Variants in EPHA6 observed in about 807,000 individuals in gnomAD.
The protein encoded by EPHA6 is ephrin type-A receptor 6.
A neutral mutation model predicts 112.0 loss-of-function variants in EPHA6; 50 were observed. The observed-to-expected ratio is 0.45, with a 90% CI of 0.36 to 0.56. The LOEUF (loss-of-function observed/expected upper bound fraction) is 0.56, where lower values mean the gene tolerates loss of function less well. Ranked by LOEUF, EPHA6 falls within the 20% of genes least tolerant of loss-of-function variation. The probability of loss-of-function intolerance (pLI) is 0.00; values close to 1 mark genes in which losing one functional copy is unlikely to be tolerated. For missense variants in EPHA6, 1,280 were observed against 1,417.4 expected (o/e 0.90, Z 1.56); for synonymous variants, 529 against 490.7 (o/e 1.08, Z -1.03).
chr3:97,544,432 C>T (rs371134293), intron 11 of EPHA6, among the ~76,000 whole-genome samples: 10 of 152,202 alleles, frequency 6.6e-5, no homozygotes, highest in East Asian at 5.8e-4. Flanking sequence ...TTGCATCCCA[C>T]GGATGAAGCC....
intron 1 of EPHA6, among the ~76,000 whole-genome samples, chr3:96,829,949 G>GCGCGCACACACACACA (rs373416797): frequency 7.4e-6 from 1 of 136,034 alleles, no homozygotes; most frequent in Non-Finnish European, 1.6e-5. Flanking sequence ...GCGCGCGCGC[G>GCGCGCACACACACACA]CACACACACA....
chr3:97,708,825 C>T (rs879618557), intron 14 of EPHA6, among the ~76,000 whole-genome samples: 1 of 152,196 alleles, frequency 6.6e-6, no homozygotes, highest in Non-Finnish European at 1.5e-5. Context: ...AGGTACAGCT[C>T]GGGCCATTGC....
At chr3:97,427,003 C>T (rs1421664537) in intron 6 of EPHA6, among the ~76,000 whole-genome samples, 1 of 152,104 alleles carries the variant, frequency 6.6e-6, no homozygotes, top group East Asian at 1.9e-4. Context: ...CTATCTCACA[C>T]CAGTCAGAAT....
intron 3 of EPHA6, among the ~76,000 whole-genome samples, chr3:97,041,311 G>T (rs1335925379): frequency 6.6e-6 from 1 of 151,828 alleles, no homozygotes; most frequent in Non-Finnish European, 1.5e-5. Flanking sequence ...ATCTTTCCTG[G>T]TTTTGCCAGT....
rs144269595 is a variant in EPHA6 at position 97,325,517 on chromosome 3, T to G, written c.1607-79633T>G. 3.7e-3 allele frequency among the ~76,000 whole-genome samples: 567 copies of G among 152,224 alleles called. 1 individual carries two copies. The highest frequency in any genetic ancestry group is 0.013 in the African/African-American group (524 of 41,564). ...CTTTAAAGGCCTTATCTAGAAATAC[T>G]CTGAGGTACAGGGGTCTAGGCTTCA... is the stretch of plus-strand genomic sequence containing the variant. On this transcript the variant is annotated intron_variant, in intron 5 of 17. Transcript: ENST00000389672.
intron 2 of EPHA6, among the ~76,000 whole-genome samples, chr3:96,940,630 A>T (rs1201599959): frequency 1.3e-5 from 2 of 152,106 alleles, no homozygotes; most frequent in African/African-American, 4.8e-5. Context: ...TGTGAATTTG[A>T]TCCTGTCATT....
chr3:97,353,403 A>T (rs894330358), intron 5 of EPHA6, among the ~76,000 whole-genome samples: 3 of 151,844 alleles, frequency 2.0e-5, no homozygotes, highest in Non-Finnish European at 4.4e-5. Context: ...CCATGAAGAG[A>T]CATAACCAGG....
chr3:97,168,753 G>C (rs2076609288), intron 3 of EPHA6, among the ~76,000 whole-genome samples: 2 of 152,080 alleles, frequency 1.3e-5, no homozygotes, highest in South Asian at 4.1e-4. Context: ...AGCTCATTAA[G>C]ACCCTTTTCG....
intron 5 of EPHA6, among the ~76,000 whole-genome samples, chr3:97,263,979 A>C (rs1023597786): frequency 6.6e-6 from 1 of 152,202 alleles, no homozygotes; most frequent in Non-Finnish European, 1.5e-5. Context: ...AAGATGCCAG[A>C]TCTCTTTATG....
chr3:96,852,292 A>C (rs1336741344), intron 1 of EPHA6, among the ~76,000 whole-genome samples: 1 of 151,952 alleles, frequency 6.6e-6, no homozygotes, highest in Non-Finnish European at 1.5e-5. Context: ...CCAGGAGTTC[A>C]AGACTGGCCT....
intron 13 of EPHA6, among the ~76,000 whole-genome samples, chr3:97,624,486 A>T (rs1348269328): frequency 1.3e-5 from 2 of 151,566 alleles, no homozygotes; most frequent in African/African-American, 4.8e-5. Flanking sequence ...ATAAATGGTT[A>T]AGGGATATTG....
chr3:97,038,637 C>T (rs1375724201), intron 3 of EPHA6, among the ~76,000 whole-genome samples: 1 of 152,154 alleles, frequency 6.6e-6, no homozygotes, highest in East Asian at 1.9e-4. Flanking sequence ...CCCATCATCC[C>T]CCTTTGTCTC....
intron 2 of EPHA6, among the ~76,000 whole-genome samples, chr3:96,900,402 A>T (rs559141402): frequency 2.6e-5 from 4 of 152,212 alleles, no homozygotes; most frequent in African/African-American, 9.6e-5. Context: ...TTAATTTAAA[A>T]TTCACATATA....
At chr3:97,391,045 C>G (rs1445129211) in intron 5 of EPHA6, among the ~76,000 whole-genome samples, 1 of 152,026 alleles carries the variant, frequency 6.6e-6, no homozygotes, top group Non-Finnish European at 1.5e-5. Flanking sequence ...TAAATCAATA[C>G]TGCATGTTCA....
chr3:97,602,564 A>G (rs1173569031), intron 12 of EPHA6, among the ~76,000 whole-genome samples: 2 of 152,068 alleles, frequency 1.3e-5, no homozygotes, highest in Admixed American at 6.6e-5. Context: ...TGAGCTGCCA[A>G]TTGCTCACTG....
At chr3:97,180,437 C>A (rs1467443205) in intron 3 of EPHA6, among the ~76,000 whole-genome samples, 1 of 152,110 alleles carries the variant, frequency 6.6e-6, no homozygotes, top group South Asian at 2.1e-4. Context: ...TTTCTTTCTG[C>A]TTTCCAAGGC....
chr3:97,162,474 T>C (rs1357870143), intron 3 of EPHA6, among the ~76,000 whole-genome samples: 3 of 152,118 alleles, frequency 2.0e-5, no homozygotes, highest in African/African-American at 7.2e-5. Flanking sequence ...GAGCAAGAAC[T>C]CTATTTGCTG....
chr3:96,899,408 TA>T (rs1420508370), intron 2 of EPHA6, among the ~76,000 whole-genome samples: 8 of 152,222 alleles, frequency 5.3e-5, no homozygotes, highest in Non-Finnish European at 8.8e-5. Context: ...TTACCAGTTC[TA>T]GGGGGAACAT....
rs539095547 is a variant in EPHA6, at chr3:97,308,706, G to A, written c.1606+64419G>A. Among the ~76,000 whole-genome samples the A allele has an allele frequency of 1.8e-4, 27 of 151,772 alleles. No individual in the cohort carries two copies. In the South Asian group the frequency reaches 2.1e-3, roughly 12 times the overall value. On this transcript the variant is annotated intron_variant, in intron 5 of 17. Transcript: ENST00000389672. ...TAACCTCTGCTACAGAATTTATTTC[G>A]CTATTTTATCACTGGTAGTTTGAAT... is the stretch of plus-strand genomic sequence containing the variant.
Sources: gnomAD v4.1 joint callset for allele counts (sites outside exome capture counted in the v4.1 genomes callset) on GRCh38, gnomAD v4.1.1 for gene constraint, MANE v1.5 for transcripts, NCBI Gene and HGNC (gene_info 2026-07-23, HGNC 2026-07-21) for gene names.